Variants in ATL2 observed in about 807,000 individuals in gnomAD.
ATL2 encodes the protein atlastin-2.
Under a neutral mutation model 73.9 loss-of-function variants are expected in ATL2, and 31 were observed. That is an observed-to-expected ratio of 0.42 (90% CI 0.32 to 0.57). ATL2 has a LOEUF of 0.57. ATL2 is among the 20% of genes least tolerant of loss of function. The pLI, the probability that ATL2 is intolerant of heterozygous loss-of-function variation, is 0.14. For missense variants in ATL2, 738 were observed against 702.6 expected (o/e 1.05, Z -0.57); for synonymous variants, 291 against 237.5 (o/e 1.23, Z -2.07).
In ATL2 at chr2:38,324,863, G is replaced by A. The variant is rs140084044; in HGVS notation, c.364-5844C>T. On this transcript the variant is annotated intron_variant, in intron 2 of 12. Coordinates refer to ENST00000378954, the MANE Select transcript of ATL2 (RefSeq NM_001135673.4). ...TCATAGGGACAGAAAGTAGAATGGT[G>A]GATGCCAGGGGATTGGGGAGAGAAA... Among the ~76,000 whole-genome samples the A allele has an allele frequency of 7.8e-3, 1,188 of 152,302 alleles. 13 individuals are homozygous for A. The highest frequency in any genetic ancestry group is 0.025 in the African/African-American group (1,031 of 41,554).
intron 1 of ATL2, among the ~76,000 whole-genome samples, chr2:38,369,882 T>C (rs1330765365): frequency 6.6e-6 from 1 of 151,556 alleles, no homozygotes; most frequent in Non-Finnish European, 1.5e-5. Context: ...CCGGGCGCGG[T>C]GGCTCACGCC....
At chr2:38,363,862 T>C (rs886184840) in intron 1 of ATL2, among the ~76,000 whole-genome samples, 1 of 152,208 alleles carries the variant, frequency 6.6e-6, no homozygotes, top group Non-Finnish European at 1.5e-5. Flanking sequence ...GCTATTTGAG[T>C]ACAAAAGTAG....
intron 2 of ATL2, among the ~76,000 whole-genome samples, chr2:38,338,540 G>GAATAAATAAATA (rs34379793): frequency 6.6e-6 from 1 of 151,436 alleles, no homozygotes; most frequent in African/African-American, 2.4e-5. Context: ...AGGATGGAAT[G>GAATAAATAAATA]AATAAATAAA....
chr2:38,328,705 G>C (rs1668806458), intron 2 of ATL2, among the ~76,000 whole-genome samples: 1 of 152,066 alleles, frequency 6.6e-6, no homozygotes, highest in Non-Finnish European at 1.5e-5. Context: ...TATAGCATTA[G>C]ATGCATACAG....
At chr2:38,314,886 T>C (rs982453845) in intron 5 of ATL2, among the ~76,000 whole-genome samples, 1 of 152,250 alleles carries the variant, frequency 6.6e-6, no homozygotes, top group East Asian at 1.9e-4. Flanking sequence ...ACCAGTATTA[T>C]AGGCTTCCAA....
intron 1 of ATL2, among the ~76,000 whole-genome samples, chr2:38,355,696 T>C (rs1670617810): frequency 7.0e-6 from 1 of 142,784 alleles, no homozygotes; most frequent in Non-Finnish European, 1.5e-5. Context: ...GTCACATTTG[T>C]TTGGTTCTTT....
In ATL2 at chr2:38,364,611, C is replaced by T. The variant is rs556561067; in HGVS notation, c.118+12532G>A. On this transcript the variant is annotated intron_variant, in intron 1 of 12. Transcript: ENST00000378954. ...TTATAAAACGACAATGTACTACATTCCTATTTCCGGAAGTATTTTTAGTAC... is the reference window on the plus strand; with the variant it reads ...TTATAAAACGACAATGTACTACATTTCTATTTCCGGAAGTATTTTTAGTAC... Among the ~76,000 whole-genome samples the T allele has an allele frequency of 3.3e-5, 5 of 152,224 alleles. No homozygotes were observed. In the South Asian group the frequency reaches 1.0e-3, roughly 31 times the overall value.
At chr2:38,366,472 G>A (rs1045246282) in intron 1 of ATL2, among the ~76,000 whole-genome samples, 1 of 151,904 alleles carries the variant, frequency 6.6e-6, no homozygotes, top group African/African-American at 2.4e-5. Context: ...CAGAAATCAG[G>A]GTCAAATGTT....
At position 38,313,212 on chromosome 2, in the gene ATL2, T is replaced by G. The variant is rs554119759; in HGVS notation, c.743A>C (p.Tyr248Ser). Residue 248 changes from tyrosine to serine, a missense_variant, in exon 7 of 13, where the codon TAT becomes TCT. Physicochemically the swap from Tyr to Ser is moderately radical, Grantham distance 144. Coordinates refer to ENST00000378954, the MANE Select transcript of ATL2 (RefSeq NM_001135673.4). Reference protein sequence around the residue: ...TLMFLIRDWSYPYEHSYGLEG... With the variant: ...TLMFLIRDWSSPYEHSYGLEG... ...CAAACCATATGAATGTTCATAAGGA[T>G]AGCTCCAATCTCGAATCAAAAACAT... The G allele has an allele frequency of 6.2e-7, 1 of 1,613,032 alleles. No individual in the cohort carries two copies. Among genetic ancestry groups the G allele is most frequent in the Non-Finnish European group, 8.5e-7 (1 of 1,179,518 alleles).
chr2:38,347,784 TTTTA>T (rs1463257159), intron 1 of ATL2, among the ~76,000 whole-genome samples: 11 of 140,826 alleles, frequency 7.8e-5, no homozygotes, highest in African/African-American at 3.0e-4. Flanking sequence ...TTTTTTTTTT[TTTTA>T]AGGCAGAGCG....
chr2:38,305,431 C>A (rs545009230), intron 9 of ATL2, among the ~76,000 whole-genome samples: 1 of 152,206 alleles, frequency 6.6e-6, no homozygotes, highest in Admixed American at 6.5e-5. Flanking sequence ...TTACTGTAGT[C>A]TCAGCTACTC....
At chr2:38,373,582 T>C (rs1671804215) in intron 1 of ATL2, among the ~76,000 whole-genome samples, 1 of 152,204 alleles carries the variant, frequency 6.6e-6, no homozygotes, top group Non-Finnish European at 1.5e-5. Context: ...CATCCGACCA[T>C]ACACCACACA....
intron 2 of ATL2, among the ~76,000 whole-genome samples, chr2:38,337,755 T>C (rs1267903060): frequency 2.6e-5 from 4 of 152,000 alleles, no homozygotes; most frequent in Non-Finnish European, 5.9e-5. Context: ...GTTTAGTATA[T>C]GGGCATTTAT....
At chr2:38,296,174 A>G in intron 12 of ATL2, 61 bp from the exon 13 acceptor site, 1 of 1,475,976 alleles carries the variant, frequency 6.8e-7, no homozygotes, top group South Asian at 1.3e-5. Context: ...AGTTACATAT[A>G]AAAATAGATA....
intron 1 of ATL2, among the ~76,000 whole-genome samples, chr2:38,345,203 T>A (rs1443099015): frequency 2.6e-5 from 4 of 152,158 alleles, no homozygotes; most frequent in East Asian, 1.9e-4. Flanking sequence ...GTTTCCACTC[T>A]AAGGACACAT....
chr2:38,358,033 A>G (rs1225053286), intron 1 of ATL2, among the ~76,000 whole-genome samples: 1 of 152,230 alleles, frequency 6.6e-6, no homozygotes, highest in African/African-American at 2.4e-5. Flanking sequence ...ATCTTGTTAA[A>G]ATGCATATCC....
At chr2:38,300,126 A>C in intron 10 of ATL2, 146 bp downstream of exon 10, 1 of 605,534 alleles carries the variant, frequency 1.7e-6, no homozygotes, top group South Asian at 2.8e-5. Flanking sequence ...AAACCTTAGG[A>C]CCCACGACAC....
intron 2 of ATL2, among the ~76,000 whole-genome samples, chr2:38,331,085 G>A (rs929099362): frequency 1.3e-5 from 2 of 152,008 alleles, no homozygotes; most frequent in Admixed American, 6.6e-5. Flanking sequence ...TTGCCTGAGC[G>A]CAGGAGTTCG....
At chr2:38,339,970 C>T (rs950061358) in intron 2 of ATL2, among the ~76,000 whole-genome samples, 6 of 152,074 alleles carry the variant, frequency 3.9e-5, no homozygotes, top group South Asian at 2.1e-4. Context: ...GGATTACAGG[C>T]GTGAGCCCCA....
Sources: gnomAD v4.1 joint callset for allele counts (sites outside exome capture counted in the v4.1 genomes callset) on GRCh38, gnomAD v4.1.1 for gene constraint, MANE v1.5 for transcripts, NCBI Gene and HGNC (gene_info 2026-07-23, HGNC 2026-07-21) for gene names.